HDAC9: variants seen among roughly 807,000 people sequenced by gnomAD.
The protein encoded by HDAC9 is histone deacetylase 9.
A neutral mutation model predicts 139.4 loss-of-function variants in HDAC9; 41 were observed. That is an observed-to-expected ratio of 0.29 (90% confidence interval 0.23 to 0.38). HDAC9 has a LOEUF of 0.38. Among genes scored for constraint, HDAC9 ranks in the 10% least tolerant of loss-of-function variants. The probability of loss-of-function intolerance (pLI) is 1.00; values close to 1 mark genes in which losing one functional copy is unlikely to be tolerated. For missense variants in HDAC9, 1,147 were observed against 1,297.0 expected (o/e 0.88, Z 1.78); for synonymous variants, 517 against 476.2 (o/e 1.09, Z -1.12).
intron 17 of HDAC9, among the ~76,000 whole-genome samples, chr7:18,800,324 C>G (rs1240082323): frequency 1.3e-5 from 2 of 152,078 alleles, no homozygotes; most frequent in African/African-American, 4.8e-5. Context: ...TCTTATTCTT[C>G]CTCACTAGAT....
intron 23 of HDAC9, chr7:18,949,065 C>T: frequency 7.9e-6 from 3 of 378,778 alleles, no homozygotes; most frequent in Non-Finnish European, 1.5e-5. Flanking sequence ...GAACTAGGTC[C>T]TTTTAGCGTT....
chr7:18,087,884 A>G (rs1322095525), intron 1 of HDAC9: 2 of 152,406 alleles, frequency 1.3e-5, no homozygotes, highest in East Asian at 1.9e-4. Flanking sequence ...CTTGTCCGCA[A>G]TGAGAGGTGC....
At chr7:18,289,761 T>G (rs770201287), upstream of HDAC9, among the ~76,000 whole-genome samples, 6 of 152,184 alleles carry the variant, frequency 3.9e-5, no homozygotes, top group Non-Finnish European at 7.3e-5. Context: ...CAAAATCATT[T>G]TATTTCATTA....
At chr7:18,921,185 T>C (rs375289344) in intron 22 of HDAC9, among the ~76,000 whole-genome samples, 3 of 152,166 alleles carry the variant, frequency 2.0e-5, no homozygotes, top group Non-Finnish European at 4.4e-5. Context: ...AAGGACTTCA[T>C]GTCTAAAACA....
chr7:18,557,263 A>T (rs1284660955), intron 2 of HDAC9, among the ~76,000 whole-genome samples: 1 of 151,580 alleles, frequency 6.6e-6, no homozygotes, highest in African/African-American at 2.4e-5. Context: ...TAAAAAGCAG[A>T]TGTAGGTCAA....
chr7:18,681,000 T>C (rs932849853), intron 12 of HDAC9, among the ~76,000 whole-genome samples: 5 of 152,084 alleles, frequency 3.3e-5, no homozygotes, highest in African/African-American at 1.2e-4. Context: ...TGTTGCTTTC[T>C]ATGGCTTAAT....
chr7:18,144,027 C>T (rs13247375), intron 1 of HDAC9, among the ~76,000 whole-genome samples: 28,812 of 151,954 alleles, frequency 0.19, 2,913 homozygotes, highest in South Asian at 0.33. Flanking sequence ...CATACCCTCA[C>T]GTCTATCTAC....
chr7:18,424,869 C>T (rs1789966039), intron 1 of HDAC9, among the ~76,000 whole-genome samples: 1 of 152,106 alleles, frequency 6.6e-6, no homozygotes, highest in African/African-American at 2.4e-5. Context: ...CACCACTGCA[C>T]TCCAGCCTGG....
chr7:18,788,287 C>G (rs1791994214), intron 16 of HDAC9, among the ~76,000 whole-genome samples: 1 of 152,146 alleles, frequency 6.6e-6, no homozygotes, highest in Non-Finnish European at 1.5e-5. Flanking sequence ...TTCACAGGCT[C>G]TCCCATATCA....
At chr7:18,176,940 A>G (rs1306719541) in intron 2 of HDAC9, among the ~76,000 whole-genome samples, 1 of 152,246 alleles carries the variant, frequency 6.6e-6, no homozygotes, top group Non-Finnish European at 1.5e-5. Flanking sequence ...AGAAAAATGC[A>G]GGAAGCCAAC....
At chr7:18,235,286 G>A (rs1176601868) in intron 2 of HDAC9, among the ~76,000 whole-genome samples, 1 of 151,846 alleles carries the variant, frequency 6.6e-6, no homozygotes, top group Non-Finnish European at 1.5e-5. Flanking sequence ...GTTTACCAGA[G>A]GTATATTGGA....
At chr7:18,252,917 T>G (rs1290600265) in intron 2 of HDAC9, among the ~76,000 whole-genome samples, 1 of 152,104 alleles carries the variant, frequency 6.6e-6, no homozygotes, top group South Asian at 2.1e-4. Context: ...CGTCTCCCTC[T>G]TCCATCCTCC....
intron 2 of HDAC9, among the ~76,000 whole-genome samples, chr7:18,167,028 T>C (rs2128130577): frequency 6.6e-6 from 1 of 152,308 alleles, no homozygotes; most frequent in Admixed American, 6.5e-5. Flanking sequence ...AACTAAAATA[T>C]TTTCAGGCCA....
intron 17 of HDAC9, among the ~76,000 whole-genome samples, chr7:18,822,356 G>GTTA (rs1795048254): frequency 6.6e-6 from 1 of 151,802 alleles, no homozygotes; most frequent in Non-Finnish European, 1.5e-5. Flanking sequence ...GTTTGTTGTT[G>GTTA]TTGTTGTTGT....
intron 1 of HDAC9, among the ~76,000 whole-genome samples, chr7:18,328,252 CT>C: frequency 6.6e-6 from 1 of 152,008 alleles, no homozygotes; most frequent in Non-Finnish European, 1.5e-5. Context: ...GTGGAATTGC[CT>C]TTACTCGTTT....
At chr7:18,621,746 A>C (rs750057165) in intron 6 of HDAC9, among the ~76,000 whole-genome samples, 1 of 152,224 alleles carries the variant, frequency 6.6e-6, no homozygotes, top group Non-Finnish European at 1.5e-5. Context: ...ATTTTATCCC[A>C]GCCAGAAGAG....
intron 2 of HDAC9, among the ~76,000 whole-genome samples, chr7:18,177,108 C>T (rs777413929): frequency 1.3e-5 from 2 of 152,186 alleles, no homozygotes; most frequent in Non-Finnish European, 2.9e-5. Context: ...TGCCTTCCTA[C>T]CTTTCTTAGT....
At chr7:18,637,872 A>C (rs1784387906) in intron 8 of HDAC9, among the ~76,000 whole-genome samples, 1 of 152,054 alleles carries the variant, frequency 6.6e-6, no homozygotes, top group South Asian at 2.1e-4. Flanking sequence ...TCAGCAAATT[A>C]ATATCCTAGC....
chr7:18,441,744 TAC>T (rs1274419660), intron 1 of HDAC9, among the ~76,000 whole-genome samples: 5 of 151,988 alleles, frequency 3.3e-5, no homozygotes, highest in African/African-American at 1.2e-4. Context: ...CATATATATA[TAC>T]ACACACACAT....
Sources: allele counts gnomAD v4.1 joint callset (sites outside exome capture counted in the v4.1 genomes callset), GRCh38; gene constraint gnomAD v4.1.1; transcripts MANE v1.5; gene names NCBI Gene and HGNC (gene_info 2026-07-23, HGNC 2026-07-21).